CLINT1: variants seen among roughly 807,000 people sequenced by gnomAD.
CLINT1 encodes clathrin interacting protein localized in the trans-Golgi region.
Under a neutral mutation model 70.4 loss-of-function variants are expected in CLINT1, and 15 were observed. That is an observed-to-expected ratio of 0.21 (90% CI 0.14 to 0.33). The LOEUF is 0.33. Ranked by LOEUF, CLINT1 falls within the 10% of genes least tolerant of loss-of-function variation. The pLI is 1.00. For synonymous variants in CLINT1, 227 were observed against 254.7 expected (o/e 0.89, Z 1.04); for missense variants, 615 against 778.1 (o/e 0.79, Z 2.49).
At chr5:157,792,701 C>T (rs1761954589) in intron 9 of CLINT1, among the ~76,000 whole-genome samples, 1 of 152,108 alleles carries the variant, frequency 6.6e-6, no homozygotes, top group African/African-American at 2.4e-5. Flanking sequence ...CACAACCAAG[C>T]CAGAAACAAG....
At chr5:157,839,366 C>A (rs982232517) in intron 1 of CLINT1, among the ~76,000 whole-genome samples, 1 of 152,214 alleles carries the variant, frequency 6.6e-6, no homozygotes. Flanking sequence ...TTTGGGAGGC[C>A]AAGGTCAGTG....
chr5:157,799,866 T>G (rs764835224), intron 8 of CLINT1, among the ~76,000 whole-genome samples: 21 of 152,148 alleles, frequency 1.4e-4, no homozygotes, highest in Non-Finnish European at 2.4e-4. Flanking sequence ...GTCACTATAC[T>G]GGATACTGTA....
At chr5:157,810,885 A>G (rs1762534774) in intron 5 of CLINT1, among the ~76,000 whole-genome samples, 1 of 151,954 alleles carries the variant, frequency 6.6e-6, no homozygotes, top group Non-Finnish European at 1.5e-5. Context: ...AGATTGAACA[A>G]AACGATTTTG....
chr5:157,836,407 GTTA>G (rs1217558261), intron 1 of CLINT1, among the ~76,000 whole-genome samples: 2 of 152,194 alleles, frequency 1.3e-5, no homozygotes, highest in Non-Finnish European at 2.9e-5. Flanking sequence ...CAGAGACCAT[GTTA>G]TTAATTGCTG....
Position 157,792,109 on chromosome 5 carries a change from T to A in CLINT1, c.1088-114A>T. On this transcript the variant is annotated intron_variant, in intron 9 of 11. Coordinates refer to ENST00000411809, the MANE Select transcript of CLINT1 (RefSeq NM_014666.4). The stretch of plus-strand genomic sequence containing the variant: ...GATCTGAGTCCCCCAGATTAACATC[T>A]GCAGGTACCATCTCCATCTGGACAG... The A allele has an allele frequency of 3.8e-6, 3 of 797,672 alleles. 1 individual carries two copies. In the South Asian group the frequency reaches 5.3e-5, roughly 14 times the overall value. The allele number at this position is 797,672 out of a possible 1,614,324, so 49.4% of individuals were successfully genotyped here.
intron 9 of CLINT1, 64 bp from the exon 10 acceptor site, chr5:157,792,059 C>G: frequency 1.4e-6 from 2 of 1,432,476 alleles, no homozygotes; most frequent in Non-Finnish European, 1.9e-6. Flanking sequence ...ATGTAACAAT[C>G]TATGAACTGA....
chr5:157,844,472 AC>A (rs983786384), intron 1 of CLINT1, among the ~76,000 whole-genome samples: 8 of 152,192 alleles, frequency 5.3e-5, no homozygotes, highest in African/African-American at 1.9e-4. Context: ...ATAGTACTCT[AC>A]AGGGCTTGTG....
At chr5:157,804,868 G>A (rs4704752) in intron 7 of CLINT1, among the ~76,000 whole-genome samples, 20,353 of 151,876 alleles carry the variant, frequency 0.13, 1,795 homozygotes, top group African/African-American at 0.25. Context: ...CAGAGGTTGC[G>A]GTGAGCCAAG....
intron 6 of CLINT1, among the ~76,000 whole-genome samples, chr5:157,807,020 T>G (rs1018638952): frequency 6.6e-6 from 1 of 151,886 alleles, no homozygotes; most frequent in Non-Finnish European, 1.5e-5. Context: ...GAAATGTTAC[T>G]TGAAACATGT....
At chr5:157,812,514 G>T (rs112977395) in intron 5 of CLINT1, among the ~76,000 whole-genome samples, 1 of 152,142 alleles carries the variant, frequency 6.6e-6, no homozygotes, top group Non-Finnish European at 1.5e-5. Context: ...GTACTGGGAA[G>T]AATAAACAAA....
At chr5:157,830,788 C>CTATATATA (rs1191312913) in intron 1 of CLINT1, among the ~76,000 whole-genome samples, 5 of 128,906 alleles carry the variant, frequency 3.9e-5, no homozygotes, top group African/African-American at 1.5e-4. Context: ...CTCTCTCTCT[C>CTATATATA]TCTCTCTCTA....
chr5:157,836,775 TA>T (rs1763438699), intron 1 of CLINT1, among the ~76,000 whole-genome samples: 1 of 152,230 alleles, frequency 6.6e-6, no homozygotes, highest in Admixed American at 6.5e-5. Flanking sequence ...TTTTCAGTCT[TA>T]AAGTAGGTGC....
At chr5:157,833,408 A>G (rs542280139) in intron 1 of CLINT1, among the ~76,000 whole-genome samples, 1 of 151,996 alleles carries the variant, frequency 6.6e-6, no homozygotes, top group South Asian at 2.1e-4. Flanking sequence ...GGTCCTTCAT[A>G]TGAGATACCA....
intron 3 of CLINT1, among the ~76,000 whole-genome samples, chr5:157,815,976 T>C (rs867489332): frequency 1.3e-5 from 2 of 151,972 alleles, no homozygotes; most frequent in African/African-American, 2.4e-5. Flanking sequence ...TAAAAAGGAG[T>C]TTATCCAAGA....
intron 8 of CLINT1, among the ~76,000 whole-genome samples, chr5:157,798,819 T>TA (rs572685415): frequency 1.8e-4 from 28 of 151,724 alleles, no homozygotes; most frequent in South Asian, 1.7e-3. Flanking sequence ...TTTGGAAAAA[T>TA]AAAAAAACTA....
At chr5:157,855,732 C>T (rs758587611) in intron 1 of CLINT1, among the ~76,000 whole-genome samples, 4 of 152,066 alleles carry the variant, frequency 2.6e-5, no homozygotes, top group Non-Finnish European at 5.9e-5. Flanking sequence ...GTCAGGAGTT[C>T]AAGACCAGCC....
chr5:157,791,191 A>C (rs1385179516), intron 10 of CLINT1, among the ~76,000 whole-genome samples: 1 of 151,954 alleles, frequency 6.6e-6, no homozygotes, highest in Non-Finnish European at 1.5e-5. Context: ...CCCAAGTAGC[A>C]GGGACTACAG....
chr5:157,850,036 G>A (rs1365603961), intron 1 of CLINT1, among the ~76,000 whole-genome samples: 2 of 152,172 alleles, frequency 1.3e-5, no homozygotes, highest in Non-Finnish European at 2.9e-5. Context: ...TGCATACTAT[G>A]TAATACAGGA....
chr5:157,803,745 G>A (rs772067911), intron 7 of CLINT1, 26 bp from the exon 8 acceptor site: 8 of 1,495,600 alleles, frequency 5.3e-6, no homozygotes, highest in Admixed American at 2.0e-5. Flanking sequence ...TAACTCAGGA[G>A]CTTCGAAAAG....
Sources: allele counts gnomAD v4.1 joint callset (sites outside exome capture counted in the v4.1 genomes callset), GRCh38; gene constraint gnomAD v4.1.1; transcripts MANE v1.5; gene names NCBI Gene and HGNC (gene_info 2026-07-23, HGNC 2026-07-21).